Variants in CUBN observed in about 807,000 individuals in gnomAD.
CUBN encodes cubilin.
CUBN carries 282 observed loss-of-function variants against 405.3 expected under a neutral mutation model. The ratio of observed to expected loss-of-function variants is 0.70; its 90% confidence interval spans 0.63 to 0.77. The LOEUF is 0.77. Ranked by LOEUF, CUBN falls within the 30% of genes least tolerant of loss-of-function variation. The pLI, the probability that CUBN is intolerant of heterozygous loss-of-function variation, is 0.00. For synonymous variants in CUBN, 1,684 were observed against 1,617.0 expected (o/e 1.04, Z -0.99); for missense variants, 4,514 against 4,475.2 (o/e 1.01, Z -0.25).
At chr10:17,074,652 C>G (rs1355938124) in intron 17 of CUBN, among the ~76,000 whole-genome samples, 1 of 152,126 alleles carries the variant, frequency 6.6e-6, no homozygotes, top group East Asian at 1.9e-4. Flanking sequence ...AGTCACCAAC[C>G]CACATAACTG....
intron 59 of CUBN, 107 bp downstream of exon 59, chr10:16,869,529 A>T: frequency 1.2e-6 from 1 of 836,832 alleles, no homozygotes; most frequent in Non-Finnish European, 2.0e-6. Context: ...CTAAGCTTCA[A>T]GGAAAAGCAA....
At chr10:16,947,454 T>A (rs1362407498) in intron 35 of CUBN, 87 bp from the exon 36 acceptor site, 1 of 1,335,672 alleles carries the variant, frequency 7.5e-7, no homozygotes, top group Non-Finnish European at 1.1e-6. Context: ...CTAGAGCCAT[T>A]ATCAATGTAA....
intron 31 of CUBN, among the ~76,000 whole-genome samples, chr10:16,954,965 G>C (rs1393828817): frequency 6.6e-6 from 1 of 152,148 alleles, no homozygotes. Context: ...ACATTTGTTG[G>C]ACCTGTTTGT....
chr10:17,102,768 G>T (rs1201338829), intron 13 of CUBN, among the ~76,000 whole-genome samples: 1 of 151,506 alleles, frequency 6.6e-6, no homozygotes, highest in Non-Finnish European at 1.5e-5. Flanking sequence ...CACTACACCT[G>T]GCTAATTTTT....
At position 17,111,025 on chromosome 10, in the gene CUBN, G is replaced by A. The variant is rs543709109; in HGVS notation, c.909C>T (p.Cys303=). 1.8e-5 allele frequency: 29 copies of A among 1,613,922 alleles called. No individual in the cohort carries two copies. Among genetic ancestry groups the A allele is most frequent in the South Asian group, 1.2e-4 (11 of 91,088 alleles). ...TTATCTCACATTCATTGATATCTTC[G>A]CAAATATATCCATTGCCTTGCCAGC... ...PTGWQGNGYI[C]EDINECEINN... Residue 303 remains cysteine, a synonymous_variant, in exon 9 of 67, where the codon TGC becomes TGT. Coordinates refer to ENST00000377833, the MANE Select transcript of CUBN (RefSeq NM_001081.4).
At chr10:16,970,315 A>G (rs1843515869) in intron 31 of CUBN, among the ~76,000 whole-genome samples, 2 of 152,250 alleles carry the variant, frequency 1.3e-5, no homozygotes, top group Admixed American at 1.3e-4. Flanking sequence ...CTATAATCCC[A>G]GCATTCACAC....
chr10:17,072,694 G>T (rs1835767437), intron 17 of CUBN, among the ~76,000 whole-genome samples: 1 of 152,092 alleles, frequency 6.6e-6, no homozygotes, highest in African/African-American at 2.4e-5. Flanking sequence ...GGAAGGTTAT[G>T]GGTGGGGATA....
chr10:17,035,079 T>TA lies in CUBN; in HGVS notation c.4017+5953dup, dbSNP rs11302576. On this transcript the variant is annotated intron_variant, in intron 27 of 66. Coordinates refer to ENST00000377833, the MANE Select transcript of CUBN (RefSeq NM_001081.4). ...TCAAAACAAGATATAAACCTATGGATAAAAAAAAAAAATAAACAAATGAAA... is the reference window on the plus strand; with the variant it reads ...TCAAAACAAGATATAAACCTATGGATAAAAAAAAAAAAATAAACAAATGAAA... 2.1e-3 allele frequency among the ~76,000 whole-genome samples: 125 copies of TA among 58,554 alleles called. 1 individual carries two copies. In the East Asian group the frequency reaches 0.022, roughly 10 times the overall value. 38.4% of individuals were successfully genotyped at this position (58,554 alleles called of 152,430 possible).
intron 18 of CUBN, 83 bp from the exon 19 acceptor site, chr10:17,071,687 G>C: frequency 6.7e-7 from 1 of 1,490,730 alleles, no homozygotes; most frequent in Non-Finnish European, 9.3e-7. Flanking sequence ...AATACTGCCT[G>C]AGGAGATAAC....
chr10:17,098,462 C>T (rs1332283382), intron 14 of CUBN, among the ~76,000 whole-genome samples: 1 of 152,172 alleles, frequency 6.6e-6, no homozygotes, highest in African/African-American at 2.4e-5. Context: ...AAACTTACAG[C>T]TAACATCATA....
At chr10:16,903,422 G>C (rs1841455921) in intron 51 of CUBN, among the ~76,000 whole-genome samples, 1 of 151,942 alleles carries the variant, frequency 6.6e-6, no homozygotes, top group Non-Finnish European at 1.5e-5. Context: ...GCCCTAGCTA[G>C]CAAAAGGATG....
intron 8 of CUBN, among the ~76,000 whole-genome samples, chr10:17,111,950 G>T (rs940492402): frequency 6.6e-6 from 1 of 152,128 alleles, no homozygotes; most frequent in African/African-American, 2.4e-5. Flanking sequence ...TCATATGGAG[G>T]ATTGGGCTCA....
intron 13 of CUBN, 46 bp from the exon 14 acceptor site, chr10:17,100,285 A>G (rs1836468044): frequency 7.8e-7 from 1 of 1,278,814 alleles, no homozygotes; most frequent in African/African-American, 1.5e-5. Flanking sequence ...TTCCATGTAA[A>G]TTTTAAAGTA....
intron 55 of CUBN, 24 bp from the exon 56 acceptor site, chr10:16,888,590 A>T (rs2131396470): frequency 6.2e-7 from 1 of 1,607,806 alleles, no homozygotes; most frequent in East Asian, 2.2e-5. Context: ...AAAAGTCATC[A>T]TCAGATCATT....
chr10:16,828,671 T>C (rs1361571835), intron 66 of CUBN, 134 bp downstream of exon 66: 2 of 724,244 alleles, frequency 2.8e-6, no homozygotes, highest in Non-Finnish European at 2.4e-6. Context: ...TGAGTTGAGA[T>C]TGCGCGCACC....
At chr10:17,128,167 A>G (rs1837243420) in intron 2 of CUBN, among the ~76,000 whole-genome samples, 1 of 152,210 alleles carries the variant, frequency 6.6e-6, no homozygotes. Context: ...ATGTTTTCCT[A>G]TAATACCAGT....
chr10:17,096,054 C>T (rs900646676), intron 14 of CUBN, among the ~76,000 whole-genome samples: 5 of 152,014 alleles, frequency 3.3e-5, no homozygotes, highest in African/African-American at 7.2e-5. Context: ...ACACTGCATG[C>T]TCTCGCTTAT....
chr10:17,107,202 A>T (rs1302862042), intron 10 of CUBN, among the ~76,000 whole-genome samples: 1 of 152,216 alleles, frequency 6.6e-6, no homozygotes, highest in Non-Finnish European at 1.5e-5. Flanking sequence ...TTAGGTTAAA[A>T]ATACTCGTCA....
chr10:16,834,529 A>T (rs952990830), intron 64 of CUBN, among the ~76,000 whole-genome samples: 2 of 152,126 alleles, frequency 1.3e-5, no homozygotes, highest in African/African-American at 4.8e-5. Context: ...ATTCAAGGAA[A>T]CACTTGTCTT....
Sources: allele counts gnomAD v4.1 joint callset (sites outside exome capture counted in the v4.1 genomes callset), GRCh38; gene constraint gnomAD v4.1.1; transcripts MANE v1.5; gene names NCBI Gene and HGNC (gene_info 2026-07-23, HGNC 2026-07-21).